The following PLCB4 variants were observed in gnomAD, a reference collection of about 807,000 sequenced individuals.
PLCB4 encodes the protein phospholipase C beta 4.
Under a neutral mutation model 178.8 loss-of-function variants are expected in PLCB4, and 77 were observed. The ratio of observed to expected loss-of-function variants is 0.43; its 90% CI spans 0.36 to 0.52. The LOEUF is 0.52. Ranked by LOEUF, PLCB4 falls within the 20% of genes least tolerant of loss-of-function variation. The pLI is 0.00. For missense variants in PLCB4, 1,024 were observed against 1,453.4 expected (o/e 0.70, Z 4.80); for synonymous variants, 496 against 490.8 (o/e 1.01, Z -0.14).
intron 3 of PLCB4, among the ~76,000 whole-genome samples, chr20:9,303,105 T>TA (rs1255362024): frequency 6.6e-6 from 1 of 152,078 alleles, no homozygotes; most frequent in East Asian, 1.9e-4. Flanking sequence ...AGTTGGTTAT[T>TA]AAGGGGGGTC....
At chr20:9,146,312 CTG>C (rs1435173968) in intron 2 of PLCB4, among the ~76,000 whole-genome samples, 1 of 152,042 alleles carries the variant, frequency 6.6e-6, no homozygotes, top group East Asian at 1.9e-4. Flanking sequence ...TGACCAAACT[CTG>C]GAGTTTCAGA....
In PLCB4 at chr20:9,480,551, C is replaced by T. The variant is rs919250185; in HGVS notation, c.*1542C>T. ...GCCTTTTTCATATACATGATATCATCGTTATTTTCAAAGGGGGCTTATTAA... is the reference window on the plus strand; with the variant it reads ...GCCTTTTTCATATACATGATATCATTGTTATTTTCAAAGGGGGCTTATTAA... On this transcript the variant is annotated 3_prime_UTR_variant, in exon 40 of 40. Coordinates refer to ENST00000378473, the MANE Select transcript of PLCB4 (RefSeq NM_001377142.1). The T allele has an allele frequency of 2.0e-5, 3 of 152,366 alleles. No homozygotes were observed. The highest frequency in any genetic ancestry group is 2.1e-4 in the South Asian group (1 of 4,820). The allele number at this position is 152,366 out of a possible 1,614,324, so 9.4% of individuals were successfully genotyped here.
At chr20:9,397,902 C>G (rs2038723664) in intron 19 of PLCB4, among the ~76,000 whole-genome samples, 1 of 152,124 alleles carries the variant, frequency 6.6e-6, no homozygotes, top group South Asian at 2.1e-4. Context: ...GTGGTTCTCC[C>G]TTGGGTTTCT....
At chr20:9,269,586 G>A (rs565485794) in intron 3 of PLCB4, among the ~76,000 whole-genome samples, 7 of 151,544 alleles carry the variant, frequency 4.6e-5, no homozygotes, top group Middle Eastern at 6.8e-3. Context: ...TAAATTGAAC[G>A]TTTCTGAAAC....
At chr20:9,177,662 T>C (rs2093177229) in intron 2 of PLCB4, among the ~76,000 whole-genome samples, 1 of 152,146 alleles carries the variant, frequency 6.6e-6, no homozygotes, top group African/African-American at 2.4e-5. Flanking sequence ...ATGAAAGACA[T>C]TGTGTTGTAT....
In PLCB4 at chr20:9,228,624, A is replaced by G. The variant is rs1411757752; in HGVS notation, c.-16+11172A>G. Among the ~76,000 whole-genome samples, 6 of 152,094 alleles carry G rather than the reference A, an allele frequency of 3.9e-5. No individual in the cohort carries two copies. The East Asian group carries it at 1.2e-3, about 29-fold the overall frequency. ...AGGAGACACATGTATTTTTCAGCTG[A>G]CCCTCATCAAAATACAATTAGAAGT... On this transcript the variant is annotated intron_variant, in intron 3 of 39. Transcript: ENST00000378473.
intron 30 of PLCB4, among the ~76,000 whole-genome samples, chr20:9,439,967 A>G (rs6056625): frequency 0.24 from 35,995 of 152,178 alleles, 5,121 homozygotes; most frequent in African/African-American, 0.39. Context: ...GAGGATTAGT[A>G]TCAGTGACTC....
intron 3 of PLCB4, among the ~76,000 whole-genome samples, chr20:9,268,424 G>C (rs1288391068): frequency 6.6e-6 from 1 of 152,132 alleles, no homozygotes; most frequent in Non-Finnish European, 1.5e-5. Flanking sequence ...TAATTTCAAA[G>C]TATCTCAAGT....
intron 14 of PLCB4, among the ~76,000 whole-genome samples, chr20:9,385,062 C>T (rs1228277309): frequency 2.6e-5 from 4 of 152,188 alleles, no homozygotes; most frequent in African/African-American, 4.8e-5. Flanking sequence ...CATCTTGTAC[C>T]GCCCTTAATC....
Position 9,080,419 on chromosome 20 carries a change from A to T in PLCB4, c.-135+11213A>T, listed in dbSNP as rs1371539144. Among the ~76,000 whole-genome samples the T allele has an allele frequency of 4.6e-5, 7 of 152,330 alleles. No homozygotes were observed. The South Asian group carries it at 1.0e-3, about 23-fold the overall frequency. On this transcript the variant is annotated intron_variant, in intron 1 of 39. Transcript: ENST00000378473. ...AAGATACTAGTCATTAGCAGCTACTACTTTGCAAGTTCTCAGAGTTGGTCA... is the reference window on the plus strand; with the variant it reads ...AAGATACTAGTCATTAGCAGCTACTTCTTTGCAAGTTCTCAGAGTTGGTCA...
At chr20:9,265,547 G>A (rs2094341235) in intron 3 of PLCB4, among the ~76,000 whole-genome samples, 1 of 152,054 alleles carries the variant, frequency 6.6e-6, no homozygotes, top group South Asian at 2.1e-4. Context: ...TGGTATAGGG[G>A]CAAGACTCCT....
At chr20:9,107,731 G>T (rs915707577) in intron 2 of PLCB4, among the ~76,000 whole-genome samples, 2 of 152,116 alleles carry the variant, frequency 1.3e-5, no homozygotes, top group Non-Finnish European at 2.9e-5. Flanking sequence ...AGCCTTTGGA[G>T]AATTGGGACC....
intron 2 of PLCB4, among the ~76,000 whole-genome samples, chr20:9,151,978 T>A (rs1463500428): frequency 3.9e-5 from 6 of 152,042 alleles, no homozygotes; most frequent in Non-Finnish European, 8.8e-5. Flanking sequence ...TGACTCTTAT[T>A]ATGTTTTGGC....
rs779242075 is a variant in PLCB4 at position 9,365,450 on chromosome 20, T to C, written c.450-11T>C. Reference sequence around the variant, plus strand: ...AAACATTAAGGCAATGTTATTGCTATTGTTTTGCAGCTGGATGAAATTGGC... The same window carrying C: ...AAACATTAAGGCAATGTTATTGCTACTGTTTTGCAGCTGGATGAAATTGGC... On this transcript the variant is annotated splice_polypyrimidine_tract_variant and intron_variant, in intron 8 of 39. Transcript: ENST00000378473. The C allele has an allele frequency of 3.2e-6, 5 of 1,586,566 alleles. No homozygotes were observed. The highest frequency in any genetic ancestry group is 3.5e-6 in the Non-Finnish European group (4 of 1,155,590).
At chr20:9,241,416 A>ACACT (rs1427687889) in intron 3 of PLCB4, among the ~76,000 whole-genome samples, 2 of 140,196 alleles carry the variant, frequency 1.4e-5, no homozygotes, top group South Asian at 4.5e-4. Flanking sequence ...ACACACACAC[A>ACACT]CACTCACTCA....
At chr20:9,396,828 T>C (rs2038623742) in intron 19 of PLCB4, among the ~76,000 whole-genome samples, 1 of 152,232 alleles carries the variant, frequency 6.6e-6, no homozygotes, top group Admixed American at 6.5e-5. Context: ...AAAATGTAAC[T>C]TAATTAAAAA....
At chr20:9,265,882 C>G (rs1038496099) in intron 3 of PLCB4, among the ~76,000 whole-genome samples, 7 of 152,298 alleles carry the variant, frequency 4.6e-5, no homozygotes, top group South Asian at 2.1e-4. Context: ...CAGGCCCCAC[C>G]ACAGATTTAC....
intron 3 of PLCB4, among the ~76,000 whole-genome samples, chr20:9,227,187 T>TTA (rs1285407746): frequency 1.3e-5 from 2 of 151,986 alleles, no homozygotes; most frequent in African/African-American, 4.8e-5. Flanking sequence ...CTTTTTTTTT[T>TTA]TATATGTACT....
At chr20:9,120,205 T>A (rs2091910176) in intron 2 of PLCB4, among the ~76,000 whole-genome samples, 1 of 152,190 alleles carries the variant, frequency 6.6e-6, no homozygotes, top group Non-Finnish European at 1.5e-5. Flanking sequence ...GAGTGCCTAC[T>A]GTGTGCAGCC....
Sources: allele counts gnomAD v4.1 joint callset (sites outside exome capture counted in the v4.1 genomes callset), GRCh38; gene constraint gnomAD v4.1.1; transcripts MANE v1.5; gene names NCBI Gene and HGNC (gene_info 2026-07-23, HGNC 2026-07-21).